The following DLC1 variants were observed in gnomAD, a reference collection of about 807,000 sequenced individuals.
DLC1 encodes rho GTPase-activating protein 7.
DLC1 carries 54 observed loss-of-function variants against 140.3 expected under a neutral mutation model. That is an observed-to-expected ratio of 0.38 (90% CI 0.31 to 0.48). The LOEUF is 0.48. Among genes scored for constraint, DLC1 ranks in the 20% least tolerant of loss-of-function variants. DLC1 has a pLI of 0.96. For missense variants in DLC1, 2,536 were observed against 1,907.0 expected, an observed-to-expected ratio of 1.33 and a Z score of -6.14; for synonymous variants, 986 against 728.1, an observed-to-expected ratio of 1.35 and a Z score of -5.70.
At chr8:13,332,698 C>T (rs566317509) in intron 4 of DLC1, among the ~76,000 whole-genome samples, 43 of 152,154 alleles carry the variant, frequency 2.8e-4, no homozygotes, top group East Asian at 2.1e-3. Context: ...CTCCCAGAGA[C>T]GTGAGCCACC....
chr8:13,254,226 A>C (rs1394211236), intron 5 of DLC1, among the ~76,000 whole-genome samples: 1 of 152,116 alleles, frequency 6.6e-6, no homozygotes, highest in East Asian at 1.9e-4. Context: ...GCACTTGAAA[A>C]GAATAGCAAC....
At chr8:13,543,249 A>G (rs1055925635) in intron 1 of DLC1, among the ~76,000 whole-genome samples, 3 of 152,214 alleles carry the variant, frequency 2.0e-5, no homozygotes, top group African/African-American at 7.2e-5. Context: ...ATTGTTAGCC[A>G]TAAAAATAAT....
At chr8:13,254,923 C>A (rs181558893) in intron 5 of DLC1, among the ~76,000 whole-genome samples, 1 of 152,102 alleles carries the variant, frequency 6.6e-6, no homozygotes, top group South Asian at 2.1e-4. Context: ...AATTCTGACT[C>A]CTTGAGTTAC....
chr8:13,361,761 A>C (rs183325384), intron 4 of DLC1, among the ~76,000 whole-genome samples: 1 of 152,180 alleles, frequency 6.6e-6, no homozygotes, highest in African/African-American at 2.4e-5. Context: ...GGTAAGAAAA[A>C]GTAGAATCAA....
At chr8:13,291,939 C>A (rs1472330477) in intron 5 of DLC1, among the ~76,000 whole-genome samples, 1 of 151,856 alleles carries the variant, frequency 6.6e-6, no homozygotes, top group African/African-American at 2.4e-5. Flanking sequence ...GTTATTTTGC[C>A]TCGCTCAGAT....
chr8:13,588,559 C>CCCAAT (rs1217470247), intron 1 of DLC1, among the ~76,000 whole-genome samples: 1 of 152,014 alleles, frequency 6.6e-6, no homozygotes, highest in East Asian at 1.9e-4. Context: ...GTTTAAAACT[C>CCCAAT]CCAATTTTAC....
intron 4 of DLC1, among the ~76,000 whole-genome samples, chr8:13,344,036 T>C (rs994658282): frequency 2.6e-5 from 4 of 152,200 alleles, no homozygotes; most frequent in African/African-American, 7.2e-5. Flanking sequence ...TTGGGATTTC[T>C]TCTGACTTGA....
At chr8:13,577,810 TA>T (rs1261713517) in intron 1 of DLC1, among the ~76,000 whole-genome samples, 1 of 152,114 alleles carries the variant, frequency 6.6e-6, no homozygotes, top group African/African-American at 2.4e-5. Context: ...CTCATATTTT[TA>T]AGCTTCTTCC....
intron 6 of DLC1, 108 bp downstream of exon 6, chr8:13,115,478 A>G: frequency 9.7e-7 from 1 of 1,035,058 alleles, no homozygotes; most frequent in Non-Finnish European, 1.4e-6. Context: ...TTTTAAAAAT[A>G]AAACATTTAA....
At chr8:13,407,394 C>T (rs771982949) in intron 2 of DLC1, among the ~76,000 whole-genome samples, 3 of 152,154 alleles carry the variant, frequency 2.0e-5, no homozygotes, top group Non-Finnish European at 2.9e-5. Flanking sequence ...TACAAATGCT[C>T]TTAACTGAAC....
At position 13,496,785 on chromosome 8, in the gene DLC1, C is replaced by CTTTTTTTTTTTTTTTTTTTTTTTTTTTT; in HGVS notation, c.1023+2263_1023+2264insAAAAAAAAAAAAAAAAAAAAAAAAAAAA. On this transcript the variant is annotated intron_variant, in intron 2 of 17. Transcript: ENST00000276297. Reference sequence around the variant, plus strand: ...TAATTAACAAATTCTTAGACCATTTCCTTTTTTTTTTTTTTTTTTTTTTTT... The same window carrying CTTTTTTTTTTTTTTTTTTTTTTTTTTTT: ...TAATTAACAAATTCTTAGACCATTTCTTTTTTTTTTTTTTTTTTTTTTTTTTTTCTTTTTTTTTTTTTTTTTTTTTTTT... Among the ~76,000 whole-genome samples, 9 of 8,652 alleles carry CTTTTTTTTTTTTTTTTTTTTTTTTTTTT rather than the reference C, an allele frequency of 1.0e-3. 3 individuals carry two copies. The highest frequency in any genetic ancestry group is 3.0e-3 in the East Asian group (4 of 1,350). The allele number at this position is 8,652 out of a possible 152,430, so 5.7% of individuals were successfully genotyped here. A position where few individuals can be genotyped will look rare whatever the true frequency, so the allele number is the denominator to read the frequency against.
At chr8:13,120,986 T>C (rs1006299707) in intron 5 of DLC1, among the ~76,000 whole-genome samples, 1 of 152,206 alleles carries the variant, frequency 6.6e-6, no homozygotes, top group African/African-American at 2.4e-5. Flanking sequence ...ATTACTTCAA[T>C]CTACCATTCG....
chr8:13,523,636 C>G (rs538922785), intron 1 of DLC1, among the ~76,000 whole-genome samples: 1 of 152,046 alleles, frequency 6.6e-6, no homozygotes, highest in African/African-American at 2.4e-5. Context: ...ACCTAATTGG[C>G]TATTAGATTT....
chr8:13,305,165 TC>T, intron 5 of DLC1, 103 bp downstream of exon 5: 2 of 1,470,442 alleles, frequency 1.4e-6, no homozygotes, highest in South Asian at 2.9e-5. Context: ...TCCCATATAT[TC>T]ATGAGATGTA....
chr8:13,162,261 G>T (rs1412627544), intron 5 of DLC1, among the ~76,000 whole-genome samples: 1 of 152,136 alleles, frequency 6.6e-6, no homozygotes, highest in Admixed American at 6.5e-5. Flanking sequence ...GAAGAATATC[G>T]AAATGAAAGC....
chr8:13,166,289 G>C (rs951700158), intron 5 of DLC1, among the ~76,000 whole-genome samples: 1 of 151,992 alleles, frequency 6.6e-6, no homozygotes, highest in Admixed American at 6.6e-5. Context: ...TTTGATCAGG[G>C]CTATGGACCA....
At chr8:13,227,429 T>C (rs1245702746) in intron 5 of DLC1, among the ~76,000 whole-genome samples, 1 of 152,108 alleles carries the variant, frequency 6.6e-6, no homozygotes, top group African/African-American at 2.4e-5. Flanking sequence ...CCCTAGATGG[T>C]GAAGTATGGG....
intron 5 of DLC1, among the ~76,000 whole-genome samples, chr8:13,258,305 G>A (rs1359251830): frequency 2.4e-4 from 36 of 152,166 alleles, no homozygotes; most frequent in Non-Finnish European, 1.5e-5. Context: ...TGAATCTCTT[G>A]AAGTAATAGA....
intron 5 of DLC1, among the ~76,000 whole-genome samples, chr8:13,134,513 C>G (rs1294884452): frequency 5.3e-5 from 8 of 152,052 alleles, no homozygotes. Flanking sequence ...AATATTGGAG[C>G]TGGGGAAGGG....
Sources: allele counts gnomAD v4.1 joint callset (sites outside exome capture counted in the v4.1 genomes callset), GRCh38; gene constraint gnomAD v4.1.1; transcripts MANE v1.5; gene names NCBI Gene and HGNC (gene_info 2026-07-23, HGNC 2026-07-21).